The following MED12L variants were observed in gnomAD, a reference collection of about 807,000 sequenced individuals.
MED12L encodes the protein mediator of RNA polymerase II transcription subunit 12-like protein.
A neutral mutation model predicts 281.3 loss-of-function variants in MED12L; 60 were observed. That is an observed-to-expected ratio of 0.21 (90% confidence interval 0.17 to 0.26). MED12L has a LOEUF of 0.26. Among genes scored for constraint, MED12L ranks in the 10% least tolerant of loss-of-function variants. MED12L has a pLI of 1.00. For missense variants in MED12L, 2,146 were observed against 2,680.9 expected (o/e 0.80, Z 4.41); for synonymous variants, 974 against 987.2 (o/e 0.99, Z 0.25).
intron 16 of MED12L, among the ~76,000 whole-genome samples, chr3:151,240,330 A>C (rs1018391146): frequency 6.6e-6 from 1 of 152,090 alleles, no homozygotes. Context: ...TGGACCTCTG[A>C]CTCTCAGATT....
Position 151,130,530 on chromosome 3 carries a change from T to G in MED12L, c.556+2546T>G, listed in dbSNP as rs1715226081. Among the ~76,000 whole-genome samples the G allele has an allele frequency of 4.6e-5, 7 of 152,214 alleles. No individual in the cohort carries two copies. The South Asian group carries it at 1.4e-3, about 32-fold the overall frequency. On this transcript the variant is annotated intron_variant, in intron 5 of 44. Transcript: ENST00000687756. Reference sequence around the variant, plus strand: ...TTCCACTTTGTAGCCAGAATGATCCTGTTAGGGCAGAAATTACGCCACCCT... The same window carrying G: ...TTCCACTTTGTAGCCAGAATGATCCGGTTAGGGCAGAAATTACGCCACCCT...
At chr3:151,417,754 G>A (rs949010031) in intron 43 of MED12L, among the ~76,000 whole-genome samples, 2 of 152,176 alleles carry the variant, frequency 1.3e-5, no homozygotes, top group African/African-American at 2.4e-5. Flanking sequence ...ACAGGCGTGA[G>A]CCACTGTGCC....
rs114393929 is a variant in MED12L, at chr3:151,202,667, A to T, written c.2250+9001A>T. On this transcript the variant is annotated intron_variant, in intron 16 of 44. Coordinates refer to ENST00000687756, the MANE Select transcript of MED12L (RefSeq NM_001393769.1). ...CCTGGGTGAAAAAGCGAGACTCCTC[A>T]AAAACAAAACAAAACAAAAACAAAA... 7.2e-3 allele frequency among the ~76,000 whole-genome samples: 1,095 copies of T among 152,352 alleles called. 17 individuals carry two copies. The highest frequency in any genetic ancestry group is 0.025 in the African/African-American group (1,045 of 41,582).
chr3:151,137,486 C>T (rs538034382), intron 5 of MED12L, among the ~76,000 whole-genome samples: 1 of 152,248 alleles, frequency 6.6e-6, no homozygotes, highest in South Asian at 2.1e-4. Context: ...ATTTAGAAAG[C>T]AAGATCTGGG....
chr3:151,256,813 CTGTT>C (rs1435425244), intron 16 of MED12L, among the ~76,000 whole-genome samples: 8 of 93,030 alleles, frequency 8.6e-5, no homozygotes, highest in African/African-American at 2.4e-4. Context: ...TTAATCCAGT[CTGTT>C]TTTTTTTTTT....
chr3:151,282,851 G>A (rs1742995868), intron 16 of MED12L, among the ~76,000 whole-genome samples: 1 of 152,194 alleles, frequency 6.6e-6, no homozygotes, highest in African/African-American at 2.4e-5. Flanking sequence ...ATTGTAATCT[G>A]ATAGGAAAAC....
chr3:151,148,800 T>G (rs1474684808), intron 5 of MED12L, among the ~76,000 whole-genome samples: 1 of 152,202 alleles, frequency 6.6e-6, no homozygotes, highest in Non-Finnish European at 1.5e-5. Context: ...CAAAGTTAGT[T>G]TTTTCATATA....
chr3:151,307,531 CTCTGTGTGTGTGTGTGTGTGTGTGTG>C (rs1746838330), intron 16 of MED12L, among the ~76,000 whole-genome samples: 1 of 120,416 alleles, frequency 8.3e-6, no homozygotes, highest in African/African-American at 3.0e-5. Flanking sequence ...AGGTAACTTG[CTCTGTGTGTGTGTGTGTGTGTGTGTG>C]TGTGTGTGTG....
intron 16 of MED12L, among the ~76,000 whole-genome samples, chr3:151,347,560 T>C (rs1752684104): frequency 6.6e-6 from 1 of 152,150 alleles, no homozygotes; most frequent in African/African-American, 2.4e-5. Context: ...TATTTGTACA[T>C]AGCATTTCAG....
chr3:151,192,699 G>T (rs144604131), intron 15 of MED12L, 45 bp downstream of exon 15: 1 of 1,190,294 alleles, frequency 8.4e-7, no homozygotes, highest in African/African-American at 1.5e-5. Context: ...GAATTAACCC[G>T]TTCCCATCCC....
intron 16 of MED12L, among the ~76,000 whole-genome samples, chr3:151,269,139 GTGGCTTA>G (rs1740382499): frequency 6.6e-6 from 1 of 152,174 alleles, no homozygotes; most frequent in African/African-American, 2.4e-5. Flanking sequence ...GCTGGGCGCG[GTGGCTTA>G]TGCCTATACT....
chr3:151,148,007 GT>G (rs1343645811), intron 5 of MED12L, among the ~76,000 whole-genome samples: 1 of 152,162 alleles, frequency 6.6e-6, no homozygotes, highest in Non-Finnish European at 1.5e-5. Flanking sequence ...GAGGATTTCA[GT>G]TTCTCTACAT....
Position 151,116,330 on chromosome 3 carries a change from T to G in MED12L, c.100-8T>G. 1 of 1,602,880 alleles carries G rather than the reference T, an allele frequency of 6.2e-7. No homozygotes were observed. The highest frequency in any genetic ancestry group is 8.5e-7 in the Non-Finnish European group (1 of 1,170,790). On this transcript the variant is annotated splice_region_variant and splice_polypyrimidine_tract_variant and intron_variant, in intron 2 of 44. Transcript: ENST00000687756. Reference sequence around the variant, plus strand: ...CCTTCTGCTTAATCAATACCGTCTCTTGAACAGGATGAACTTACTGCTGTG... The same window carrying G: ...CCTTCTGCTTAATCAATACCGTCTCGTGAACAGGATGAACTTACTGCTGTG...
intron 21 of MED12L, among the ~76,000 whole-genome samples, chr3:151,362,757 C>A (rs927632102): frequency 6.6e-6 from 1 of 152,018 alleles, no homozygotes; most frequent in Non-Finnish European, 1.5e-5. Flanking sequence ...TAAGACAATT[C>A]ATGTTTTTAA....
intron 16 of MED12L, among the ~76,000 whole-genome samples, chr3:151,265,094 A>G (rs889477787): frequency 5.9e-5 from 9 of 152,182 alleles, no homozygotes; most frequent in African/African-American, 2.2e-4. Flanking sequence ...CCAGCCTGCT[A>G]GATTATTCTT....
chr3:151,152,877 G>A (rs868142483), intron 5 of MED12L, among the ~76,000 whole-genome samples: 3 of 152,092 alleles, frequency 2.0e-5, no homozygotes, highest in Admixed American at 6.5e-5. Context: ...AGTGACCTTT[G>A]TGAGCCTCAC....
intron 5 of MED12L, among the ~76,000 whole-genome samples, chr3:151,137,191 G>A (rs75535010): frequency 5.4e-5 from 8 of 146,956 alleles, no homozygotes; most frequent in South Asian, 4.3e-4. Flanking sequence ...AAAAAAGAAC[G>A]AAAAAAAGTT....
intron 16 of MED12L, chr3:151,340,756 G>A (rs1751704789): frequency 6.6e-6 from 1 of 152,552 alleles, no homozygotes; most frequent in African/African-American, 2.4e-5. Context: ...AAAGTCTTGA[G>A]TGCTCTAGAG....
rs191663349 is a variant in MED12L, at chr3:151,184,347, C to A, written c.1495-983C>A. Among the ~76,000 whole-genome samples, 30 of 152,308 alleles carry A rather than the reference C, an allele frequency of 2.0e-4. No individual in the cohort carries two copies. In the East Asian group the frequency reaches 5.4e-3, roughly 27 times the overall value. Reference sequence around the variant, plus strand: ...ATGCATGTATGTATGTATGTTCTTCCATGGCGTGTGCTCATAGCCATATCG... The same window carrying A: ...ATGCATGTATGTATGTATGTTCTTCAATGGCGTGTGCTCATAGCCATATCG... On this transcript the variant is annotated intron_variant, in intron 11 of 44. Coordinates refer to ENST00000687756, the MANE Select transcript of MED12L (RefSeq NM_001393769.1).
Sources: allele counts gnomAD v4.1 joint callset (sites outside exome capture counted in the v4.1 genomes callset), GRCh38; gene constraint gnomAD v4.1.1; transcripts MANE v1.5; gene names NCBI Gene and HGNC (gene_info 2026-07-23, HGNC 2026-07-21).